The following LHFPL3 variants were observed in gnomAD, a reference collection of about 807,000 sequenced individuals.
The protein encoded by LHFPL3 is LHFPL tetraspan subfamily member 3, also known as LHFPL tetraspan subfamily member 3 protein.
In LHFPL3, 5 loss-of-function variants were observed where a neutral mutation model predicts 19.3. The observed-to-expected ratio is 0.26, with a 90% CI of 0.14 to 0.54. The LOEUF is 0.54. Among genes scored for constraint, LHFPL3 ranks in the 20% least tolerant of loss-of-function variants. LHFPL3 has a pLI of 0.94. For missense variants in LHFPL3, 249 were observed against 307.4 expected (o/e 0.81, Z 1.42); for synonymous variants, 133 against 126.2 (o/e 1.05, Z -0.36).
At chr7:104,639,466 CTCTTT>C (rs1276866022) in intron 1 of LHFPL3, among the ~76,000 whole-genome samples, 1 of 152,008 alleles carries the variant, frequency 6.6e-6, no homozygotes, top group African/African-American at 2.4e-5. Context: ...TAGATCTTCC[CTCTTT>C]TCTTCTTTAT....
At chr7:104,565,450 G>A (rs750219795) in intron 1 of LHFPL3, among the ~76,000 whole-genome samples, 1 of 152,288 alleles carries the variant, frequency 6.6e-6, no homozygotes, top group Non-Finnish European at 1.5e-5. Context: ...AGTTAAATTG[G>A]TCAACATTTC....
chr7:104,835,762 T>A (rs1584565899), intron 2 of LHFPL3, among the ~76,000 whole-genome samples: 1 of 128,084 alleles, frequency 7.8e-6, no homozygotes, highest in Non-Finnish European at 1.9e-5. Flanking sequence ...TAAATTATTA[T>A]TATTTTTTTT....
chr7:104,720,414 G>C (rs575534969), intron 1 of LHFPL3, among the ~76,000 whole-genome samples: 2 of 152,246 alleles, frequency 1.3e-5, no homozygotes, highest in East Asian at 3.9e-4. Context: ...AGACTTACAT[G>C]TTAGACCTAA....
intron 1 of LHFPL3, among the ~76,000 whole-genome samples, chr7:104,521,372 A>G (rs998893360): frequency 1.2e-4 from 18 of 152,214 alleles, no homozygotes; most frequent in East Asian, 7.7e-4. Context: ...TTCCAAGTAT[A>G]TGGTCAATTT....
intron 1 of LHFPL3, among the ~76,000 whole-genome samples, chr7:104,458,275 C>G (rs1792586550): frequency 6.6e-6 from 1 of 152,140 alleles, no homozygotes; most frequent in Non-Finnish European, 1.5e-5. Flanking sequence ...TTTAATCCAT[C>G]TTAAATTAAT....
At chr7:104,799,049 G>A (rs1275968781) in intron 2 of LHFPL3, among the ~76,000 whole-genome samples, 1 of 152,188 alleles carries the variant, frequency 6.6e-6, no homozygotes, top group Non-Finnish European at 1.5e-5. Flanking sequence ...ATCCTGTCCG[G>A]TTGTTGAGCA....
chr7:104,453,043 A>G (rs1310111479), intron 1 of LHFPL3, among the ~76,000 whole-genome samples: 1 of 152,192 alleles, frequency 6.6e-6, no homozygotes, highest in Non-Finnish European at 1.5e-5. Flanking sequence ...TGTGTCTGTC[A>G]TATGTATTTC....
chr7:104,540,150 G>T (rs1296456769), intron 1 of LHFPL3, among the ~76,000 whole-genome samples: 1 of 152,102 alleles, frequency 6.6e-6, no homozygotes. Context: ...TGTGCTATAG[G>T]CATTGTGCAA....
chr7:104,352,757 T>G (rs1790202707), intron 1 of LHFPL3, among the ~76,000 whole-genome samples: 1 of 152,240 alleles, frequency 6.6e-6, no homozygotes, highest in Admixed American at 6.5e-5. Context: ...CACACTTTTC[T>G]TTCAGTGGAG....
At chr7:104,614,580 TTCTCTTCTC>T (rs1442096626) in intron 1 of LHFPL3, among the ~76,000 whole-genome samples, 60 of 133,018 alleles carry the variant, frequency 4.5e-4, no homozygotes, top group African/African-American at 1.5e-3. Flanking sequence ...GAGCCTCCTC[TTCTCTTCTC>T]TCTCTTCTCT....
intron 1 of LHFPL3, among the ~76,000 whole-genome samples, chr7:104,701,817 G>C (rs1793108193): frequency 6.6e-6 from 1 of 151,892 alleles, no homozygotes; most frequent in South Asian, 2.1e-4. Context: ...GCATCTTTTA[G>C]CTTTGGGAAA....
At chr7:104,669,101 A>G in intron 1 of LHFPL3, 6 of 1,612,848 alleles carry the variant, frequency 3.7e-6, no homozygotes, top group Non-Finnish European at 5.1e-6. Context: ...CTCAATAAGG[A>G]GGAAGATTGC....
intron 1 of LHFPL3, among the ~76,000 whole-genome samples, chr7:104,505,243 T>C (rs937975141): frequency 6.6e-6 from 1 of 152,238 alleles, no homozygotes; most frequent in African/African-American, 2.4e-5. Flanking sequence ...TTTTGTCTTC[T>C]AACTCCATGA....
At chr7:104,722,438 C>A (rs567596106) in intron 1 of LHFPL3, among the ~76,000 whole-genome samples, 2 of 152,220 alleles carry the variant, frequency 1.3e-5, no homozygotes, top group East Asian at 3.9e-4. Flanking sequence ...TGTGTTACGA[C>A]CCCAAGTTAA....
chr7:104,681,162 T>C (rs1792692246), intron 1 of LHFPL3, among the ~76,000 whole-genome samples: 1 of 150,404 alleles, frequency 6.6e-6, no homozygotes, highest in Non-Finnish European at 1.5e-5. Context: ...TTCTTTTTTT[T>C]TTTTTTTTTG....
At chr7:104,350,329 A>G (rs1488542777) in intron 1 of LHFPL3, among the ~76,000 whole-genome samples, 1 of 152,202 alleles carries the variant, frequency 6.6e-6, no homozygotes, top group Admixed American at 6.5e-5. Flanking sequence ...TATTGGACAG[A>G]ACCGTCAGAG....
intron 2 of LHFPL3, among the ~76,000 whole-genome samples, chr7:104,836,099 T>C (rs907947900): frequency 3.3e-5 from 5 of 150,302 alleles, no homozygotes; most frequent in South Asian, 4.1e-4. Flanking sequence ...TAAGCTGGCA[T>C]GCAGAGAAAC....
intron 1 of LHFPL3, among the ~76,000 whole-genome samples, chr7:104,592,998 C>T (rs1790758863): frequency 6.6e-6 from 1 of 152,166 alleles, no homozygotes; most frequent in Admixed American, 6.5e-5. Context: ...CTCCTGGATT[C>T]ATTGATTTTT....
At chr7:104,591,160 C>T (rs11762477) in intron 1 of LHFPL3, among the ~76,000 whole-genome samples, 7,241 of 152,122 alleles carry the variant, frequency 0.048, 210 homozygotes, top group East Asian at 0.11. Context: ...GTCATTGTGA[C>T]GTTAGCTGGT....
Sources: allele counts gnomAD v4.1 joint callset (sites outside exome capture counted in the v4.1 genomes callset), GRCh38; gene constraint gnomAD v4.1.1; transcripts MANE v1.5; gene names NCBI Gene and HGNC (gene_info 2026-07-23, HGNC 2026-07-21).